CPS1: variants seen among roughly 807,000 people sequenced by gnomAD.
The protein encoded by CPS1 is carbamoyl-phosphate synthase 1.
CPS1 carries 109 observed loss-of-function variants against 174.6 expected under a neutral mutation model. That is an observed-to-expected ratio of 0.62 (90% CI 0.53 to 0.73). CPS1 has a LOEUF of 0.73. Among genes scored for constraint, CPS1 ranks in the 30% least tolerant of loss-of-function variants. CPS1 has a pLI of 0.00. For missense variants in CPS1, 1,689 were observed against 1,821.9 expected (o/e 0.93, Z 1.33); for synonymous variants, 637 against 632.0 (o/e 1.01, Z -0.12).
chr2:210,574,523 A>G (rs1471723205), intron 2 of CPS1, among the ~76,000 whole-genome samples: 1 of 152,122 alleles, frequency 6.6e-6, no homozygotes, highest in Admixed American at 6.6e-5. Flanking sequence ...ATTACAGTGT[A>G]TGAAATCTGT....
chr2:210,515,191 A>G (rs1695648879), intron 1 of CPS1, among the ~76,000 whole-genome samples: 1 of 151,506 alleles, frequency 6.6e-6, no homozygotes, highest in Non-Finnish European at 1.5e-5. Context: ...AGGTTTTGGT[A>G]TCAGGTGAAT....
At chr2:210,674,741 A>G (rs1052549634) in intron 34 of CPS1, 161 bp from the exon 35 acceptor site, 1 of 666,448 alleles carries the variant, frequency 1.5e-6, no homozygotes, top group Non-Finnish European at 2.7e-6. Context: ...TAAAACTCAC[A>G]CTCACCATAG....
chr2:210,661,234 A>G (rs1453360609), intron 32 of CPS1, among the ~76,000 whole-genome samples: 3 of 152,196 alleles, frequency 2.0e-5, no homozygotes, highest in Non-Finnish European at 4.4e-5. Context: ...ATACATATGT[A>G]TATTTTAAAT....
intron 1 of CPS1, among the ~76,000 whole-genome samples, chr2:210,502,497 TAG>T (rs1187614523): frequency 1.0e-4 from 15 of 147,874 alleles, no homozygotes; most frequent in African/African-American, 3.7e-4. Flanking sequence ...GATATAAATA[TAG>T]AGATATATTT....
chr2:210,545,041 T>A (rs1212741255), intron 1 of CPS1, among the ~76,000 whole-genome samples: 1 of 152,076 alleles, frequency 6.6e-6, no homozygotes, highest in Non-Finnish European at 1.5e-5. Flanking sequence ...TGTCTTATCT[T>A]AAGTCTGGAA....
chr2:210,552,268 A>G (rs1665458017), upstream of CPS1, among the ~76,000 whole-genome samples: 1 of 151,916 alleles, frequency 6.6e-6, no homozygotes, highest in African/African-American at 2.4e-5. Context: ...AATAGACTTT[A>G]TAGAATTATT....
chr2:210,556,307 G>A (rs752001933), upstream of CPS1: 14 of 457,136 alleles, frequency 3.1e-5, no homozygotes, highest in Non-Finnish European at 4.8e-5. Context: ...GGTATCACAT[G>A]TGACATAAGC....
At position 210,648,441 on chromosome 2, in the gene CPS1, C is replaced by A. The variant is rs749729637; in HGVS notation, c.3337-32C>A. ...ATTTTATTGCATATTTTAAACTACTCATACATTTTTATTGTTGTTTCTATT... is the reference window on the plus strand; with the variant it reads ...ATTTTATTGCATATTTTAAACTACTAATACATTTTTATTGTTGTTTCTATT... On this transcript the variant is annotated intron_variant, in intron 26 of 37. Coordinates refer to ENST00000233072, the MANE Select transcript of CPS1 (RefSeq NM_001875.5). 1.9e-6 allele frequency: 3 copies of A among 1,541,904 alleles called. No individual in the cohort carries two copies. The Admixed American group carries it at 5.0e-5, about 26-fold the overall frequency.
chr2:210,665,482 C>T (rs1247378248), intron 33 of CPS1, among the ~76,000 whole-genome samples: 5 of 142,374 alleles, frequency 3.5e-5, no homozygotes, highest in East Asian at 2.1e-4. Context: ...CCCCTCCCCC[C>T]ACTCCACAAC....
At chr2:210,569,624 C>T (rs915924963) in intron 1 of CPS1, among the ~76,000 whole-genome samples, 14 of 152,060 alleles carry the variant, frequency 9.2e-5, no homozygotes, top group Admixed American at 6.6e-5. Flanking sequence ...ATCCATTTAT[C>T]TACAGAGCCT....
intron 20 of CPS1, among the ~76,000 whole-genome samples, chr2:210,616,036 A>G (rs956761136): frequency 5.3e-5 from 8 of 152,066 alleles, no homozygotes; most frequent in African/African-American, 1.9e-4. Context: ...AGAGATCATT[A>G]TATTAATTCT....
At chr2:210,658,516 T>A in intron 30 of CPS1, 83 bp from the exon 31 acceptor site, 1 of 1,010,098 alleles carries the variant, frequency 9.9e-7, no homozygotes, top group South Asian at 1.3e-5. Context: ...ACATCCAAAT[T>A]TAAGGTACTG....
rs184642602 is a variant in CPS1 at position 210,592,618 on chromosome 2, T to A, written c.1087-261T>A. Among the ~76,000 whole-genome samples, 213 of 152,054 alleles carry A rather than the reference T, an allele frequency of 1.4e-3. 1 individual carries two copies. The highest frequency in any genetic ancestry group is 2.2e-3 in the Non-Finnish European group (152 of 67,954). ...CCCAAAGACTATAGACCAAATTTTT[T>A]ATTTATTTATTTATTTTAAAGGAAA... On this transcript the variant is annotated intron_variant, in intron 10 of 37. Coordinates refer to ENST00000233072, the MANE Select transcript of CPS1 (RefSeq NM_001875.5).
chr2:210,559,968 A>C (rs1697045042), intron 1 of CPS1, among the ~76,000 whole-genome samples: 1 of 152,128 alleles, frequency 6.6e-6, no homozygotes. Context: ...AGAAGGACTT[A>C]GTAGAGGGTT....
chr2:210,481,834 C>T (rs1694577768), intron 1 of CPS1, among the ~76,000 whole-genome samples: 1 of 152,224 alleles, frequency 6.6e-6, no homozygotes. Context: ...AGGAATTTAG[C>T]AGTGGAATTT....
intron 1 of CPS1, among the ~76,000 whole-genome samples, chr2:210,494,376 T>C (rs1376426755): frequency 2.0e-5 from 3 of 152,208 alleles, no homozygotes; most frequent in Admixed American, 2.0e-4. Context: ...AGGGTGCTTA[T>C]GTGTGGTGTG....
intron 1 of CPS1, among the ~76,000 whole-genome samples, chr2:210,564,628 G>A (rs1300908616): frequency 2.6e-5 from 4 of 152,030 alleles, no homozygotes; most frequent in East Asian, 1.9e-4. Flanking sequence ...CGCCCGCCTC[G>A]GCCTCCCAAA....
chr2:210,579,727 A>G lies in CPS1; in HGVS notation c.485A>G (p.Tyr162Cys). The G allele has an allele frequency of 1.2e-6, 2 of 1,613,212 alleles. No individual in the cohort carries two copies. Among genetic ancestry groups the G allele is most frequent in the Non-Finnish European group, 1.7e-6 (2 of 1,179,576 alleles). Residue 162 changes from tyrosine (Y) to cysteine (C), a missense_variant, in exon 5 of 38, where the codon TAT becomes TGT. Tyr to Cys is a radical substitution (Grantham distance 194, BLOSUM62 -2). Transcript: ENST00000233072. ...TTTTTCTTATAGGTTCCTGCAATTT[A>G]TGGAGTGGACACAAGAATGCTGACT... ...WLQEEKVPAIYGVDTRMLTKI... is the reference protein window; with the variant it reads ...WLQEEKVPAICGVDTRMLTKI...
intron 1 of CPS1, among the ~76,000 whole-genome samples, chr2:210,558,658 G>A (rs1054065243): frequency 3.3e-5 from 5 of 152,074 alleles, no homozygotes; most frequent in South Asian, 4.1e-4. Flanking sequence ...CCCAGAAACC[G>A]CGAAATTGAG....
Sources: allele counts gnomAD v4.1 joint callset (sites outside exome capture counted in the v4.1 genomes callset), GRCh38; gene constraint gnomAD v4.1.1; transcripts MANE v1.5; gene names NCBI Gene and HGNC (gene_info 2026-07-23, HGNC 2026-07-21).